Variants in MLIP observed in about 807,000 individuals in gnomAD.
MLIP encodes the protein muscular LMNA-interacting protein.
A neutral mutation model predicts 84.8 loss-of-function variants in MLIP; 79 were observed. The observed-to-expected ratio is 0.93, with a 90% CI of 0.78 to 1.12. The LOEUF (loss-of-function observed/expected upper bound fraction) is 1.12. Among genes scored for constraint, MLIP ranks in the 50% most tolerant of loss-of-function variants. The pLI is 0.00. For synonymous variants in MLIP, 504 were observed against 463.0 expected, an observed-to-expected ratio of 1.09 and a Z score of -1.14; for missense variants, 1,257 against 1,160.6, an observed-to-expected ratio of 1.08 and a Z score of -1.21.
chr6:54,231,928 G>A (rs1250742670), intron 12 of MLIP, among the ~76,000 whole-genome samples: 1 of 151,976 alleles, frequency 6.6e-6, no homozygotes, highest in Non-Finnish European at 1.5e-5. Context: ...GTTATATAAG[G>A]AAAAATTAGA....
chr6:54,025,705 A>G (rs936772698), intron 1 of MLIP, among the ~76,000 whole-genome samples: 1 of 152,004 alleles, frequency 6.6e-6, no homozygotes, highest in African/African-American at 2.4e-5. Context: ...TTGATGGTAG[A>G]GGATGTGAGT....
At chr6:54,117,209 G>GTTT (rs1769997043) in intron 1 of MLIP, among the ~76,000 whole-genome samples, 1 of 115,258 alleles carries the variant, frequency 8.7e-6, no homozygotes, top group Non-Finnish European at 1.7e-5. Context: ...CTCTATTTCT[G>GTTT]TCTTTTTTTT....
chr6:54,087,228 A>G (rs1767555519), intron 1 of MLIP, among the ~76,000 whole-genome samples: 1 of 152,178 alleles, frequency 6.6e-6, no homozygotes, highest in African/African-American at 2.4e-5. Flanking sequence ...ACAACAACCT[A>G]TAGCTGTGCC....
intron 11 of MLIP, among the ~76,000 whole-genome samples, chr6:54,225,696 G>T (rs1337299446): frequency 6.6e-6 from 1 of 152,060 alleles, no homozygotes; most frequent in Admixed American, 6.6e-5. Flanking sequence ...TCACCAAGTG[G>T]GATTTAATGC....
At chr6:54,202,465 G>GT (rs1280289770) in intron 11 of MLIP, among the ~76,000 whole-genome samples, 3 of 147,054 alleles carry the variant, frequency 2.0e-5, no homozygotes, top group African/African-American at 7.5e-5. Context: ...GCATTTTAAT[G>GT]TGTTTTTTTT....
At chr6:54,215,438 T>C in intron 11 of MLIP, 1 of 1,191,014 alleles carries the variant, frequency 8.4e-7, no homozygotes. Flanking sequence ...AAAGTATAAT[T>C]TCTTTAAATT....
chr6:54,025,348 A>G (rs984461062), intron 1 of MLIP, among the ~76,000 whole-genome samples: 6 of 152,124 alleles, frequency 3.9e-5, no homozygotes, highest in Non-Finnish European at 8.8e-5. Context: ...CTTCTGATCT[A>G]TATGTTATTC....
At chr6:54,084,520 A>G (rs1319265814) in intron 1 of MLIP, among the ~76,000 whole-genome samples, 1 of 152,174 alleles carries the variant, frequency 6.6e-6, no homozygotes, top group African/African-American at 2.4e-5. Context: ...TTAATCCACC[A>G]TGAATGCATT....
chr6:54,054,130 A>G (rs1765515683), intron 1 of MLIP, among the ~76,000 whole-genome samples: 1 of 152,158 alleles, frequency 6.6e-6, no homozygotes, highest in Non-Finnish European at 1.5e-5. Context: ...AAGTGGTGAA[A>G]GTTCTTAGCA....
At chr6:54,120,413 A>AT (rs1371089208) in intron 1 of MLIP, among the ~76,000 whole-genome samples, 3 of 148,122 alleles carry the variant, frequency 2.0e-5, no homozygotes, top group African/African-American at 2.5e-5. Context: ...TTTTTTTTGT[A>AT]TTTTTAATAG....
intron 11 of MLIP, among the ~76,000 whole-genome samples, chr6:54,229,792 C>T (rs1320574846): frequency 2.6e-5 from 4 of 152,108 alleles, no homozygotes; most frequent in Admixed American, 2.6e-4. Context: ...TGTATTGATT[C>T]CATGTCTTTA....
rs1769477249 is a variant in MLIP at position 54,111,663 on chromosome 6, G to A, written c.96+88G>A. On this transcript the variant is annotated intron_variant, in intron 1 of 13. Coordinates refer to ENST00000502396, the MANE Select transcript of MLIP (RefSeq NM_001281747.2). ...GTATTTGCTGCAAGGATGTGAGGGA[G>A]AGCTGCCCAGTGAAGATAAATTTGT... is the stretch of plus-strand genomic sequence containing the variant. The A allele has an allele frequency of 3.1e-6, 4 of 1,298,060 alleles. No individual in the cohort carries two copies. In the African/African-American group the frequency reaches 5.9e-5, roughly 19 times the overall value. 80.4% of individuals were successfully genotyped at this position (1,298,060 alleles called of 1,614,324 possible). A position where few individuals can be genotyped will look rare whatever the true frequency, so the allele number is the denominator to read the frequency against.
chr6:54,189,060 C>G (rs1374487478), intron 9 of MLIP, among the ~76,000 whole-genome samples: 1 of 152,004 alleles, frequency 6.6e-6, no homozygotes, highest in Non-Finnish European at 1.5e-5. Context: ...GACAGTAAGG[C>G]CTGAAAAAAC....
At chr6:54,163,584 A>G (rs191858720) in intron 8 of MLIP, among the ~76,000 whole-genome samples, 4 of 152,102 alleles carry the variant, frequency 2.6e-5, no homozygotes, top group Admixed American at 2.6e-4. Flanking sequence ...CAATTTTAAA[A>G]CATGTAAATG....
At chr6:54,110,797 A>C (rs1004709453), upstream of MLIP, among the ~76,000 whole-genome samples, 8 of 152,224 alleles carry the variant, frequency 5.3e-5, no homozygotes, top group Admixed American at 5.2e-4. Context: ...TGAAGTTTTA[A>C]GGTTTGTCTG....
intron 11 of MLIP, among the ~76,000 whole-genome samples, chr6:54,209,545 A>G (rs923088927): frequency 1.3e-5 from 2 of 152,192 alleles, no homozygotes; most frequent in East Asian, 1.9e-4. Flanking sequence ...AGGGAGACCT[A>G]TACTAAGTTT....
At chr6:54,130,430 A>G (rs1771281788) in intron 3 of MLIP, among the ~76,000 whole-genome samples, 1 of 152,148 alleles carries the variant, frequency 6.6e-6, no homozygotes, top group African/African-American at 2.4e-5. Context: ...CTCACTGCCC[A>G]GAGTCTAGAG....
intron 1 of MLIP, among the ~76,000 whole-genome samples, chr6:54,063,846 G>A (rs1766119686): frequency 6.6e-6 from 1 of 152,020 alleles, no homozygotes; most frequent in African/African-American, 2.4e-5. Flanking sequence ...TTCATTGTGT[G>A]CTTTTAGAAT....
chr6:54,160,915 C>A, intron 8 of MLIP, 116 bp downstream of exon 8: 1 of 794,976 alleles, frequency 1.3e-6, no homozygotes, highest in Non-Finnish European at 2.0e-6. Flanking sequence ...GAATAGCAAT[C>A]AGTCTTTTTT....
Sources: gnomAD v4.1 joint callset for allele counts (sites outside exome capture counted in the v4.1 genomes callset) on GRCh38, gnomAD v4.1.1 for gene constraint, MANE v1.5 for transcripts, NCBI Gene and HGNC (gene_info 2026-07-23, HGNC 2026-07-21) for gene names.